GDA: variants seen among roughly 807,000 people sequenced by gnomAD.
GDA encodes cytoplasmic PSD-95 interactor.
A neutral mutation model predicts 59.6 loss-of-function variants in GDA; 18 were observed. The observed-to-expected ratio is 0.30, with a 90% confidence interval of 0.21 to 0.45. GDA has a LOEUF of 0.45. GDA is among the 20% of genes least tolerant of loss of function. The pLI, the probability that GDA is intolerant of heterozygous loss-of-function variation, is 1.00. For synonymous variants in GDA, 201 were observed against 201.1 expected (o/e 1.00, Z 0.00); for missense variants, 427 against 552.3 (o/e 0.77, Z 2.27).
chr9:72,225,278 C>A (rs1430105827), intron 7 of GDA, among the ~76,000 whole-genome samples: 3 of 152,150 alleles, frequency 2.0e-5, no homozygotes, highest in African/African-American at 7.2e-5. Flanking sequence ...CAGACCCTAT[C>A]TCAAAACAAA....
chr9:72,257,703 CTT>C (rs1564236567), downstream of GDA: 1 of 153,204 alleles, frequency 6.5e-6, no homozygotes, highest in Non-Finnish European at 1.5e-5. Flanking sequence ...GGGTGGATCA[CTT>C]GAGCTCATGA....
chr9:72,190,455 T>G (rs1832395207), intron 1 of GDA, among the ~76,000 whole-genome samples: 1 of 152,206 alleles, frequency 6.6e-6, no homozygotes, highest in Admixed American at 6.5e-5. Flanking sequence ...CTTACTTTAG[T>G]GAAGAATACA....
intron 8 of GDA, among the ~76,000 whole-genome samples, chr9:72,226,476 A>G (rs1327183329): frequency 6.6e-6 from 1 of 152,190 alleles, no homozygotes; most frequent in African/African-American, 2.4e-5. Context: ...TTTTATTTTT[A>G]AATACTCTGA....
intron 5 of GDA, among the ~76,000 whole-genome samples, chr9:72,216,679 A>ATT (rs201725609): frequency 4.1e-5 from 6 of 145,802 alleles, no homozygotes; most frequent in Admixed American, 6.9e-5. Flanking sequence ...AGGAAAAACT[A>ATT]TTTTTTTTTT....
At chr9:72,127,396 T>A (rs1825882406) in intron 1 of GDA, among the ~76,000 whole-genome samples, 1 of 152,076 alleles carries the variant, frequency 6.6e-6, no homozygotes. Flanking sequence ...CCCAGCACTT[T>A]GGAAGGCGGA....
At chr9:72,148,394 TAAAG>T (rs368483240), upstream of GDA, among the ~76,000 whole-genome samples, 676 of 150,616 alleles carry the variant, frequency 4.5e-3, 6 homozygotes, top group African/African-American at 0.015. Flanking sequence ...AAACACAAAA[TAAAG>T]AAGAATGGAC....
At chr9:72,163,843 G>C (rs1828958838) in intron 1 of GDA, among the ~76,000 whole-genome samples, 1 of 152,108 alleles carries the variant, frequency 6.6e-6, no homozygotes, top group Admixed American at 6.5e-5. Context: ...AGATAAAACT[G>C]TTTCAGGTGC....
intron 1 of GDA, among the ~76,000 whole-genome samples, chr9:72,136,144 A>G (rs1452045856): frequency 6.6e-6 from 1 of 152,210 alleles, no homozygotes; most frequent in Non-Finnish European, 1.5e-5. Context: ...TACTATAAAT[A>G]GAAGAAAACC....
intron 5 of GDA, among the ~76,000 whole-genome samples, chr9:72,216,574 A>G (rs1354139466): frequency 6.6e-6 from 1 of 152,244 alleles, no homozygotes; most frequent in Admixed American, 6.5e-5. Context: ...ACCAAACACA[A>G]AAGGCCACAC....
At chr9:72,146,375 G>C (rs1014619547), upstream of GDA, among the ~76,000 whole-genome samples, 1 of 152,052 alleles carries the variant, frequency 6.6e-6, no homozygotes, top group Admixed American at 6.6e-5. Flanking sequence ...GCTGTATTTT[G>C]AGGGTGAATA....
intron 1 of GDA, among the ~76,000 whole-genome samples, chr9:72,178,046 C>T (rs1339240093): frequency 1.3e-5 from 2 of 152,172 alleles, no homozygotes; most frequent in Non-Finnish European, 2.9e-5. Context: ...TAAAATGCCA[C>T]ATGGGTTTAC....
chr9:72,186,154 A>G (rs908842984), intron 1 of GDA, among the ~76,000 whole-genome samples: 7 of 152,206 alleles, frequency 4.6e-5, no homozygotes, highest in African/African-American at 1.4e-4. Flanking sequence ...ATGAAAAAGC[A>G]GTAGCCCCAT....
intron 1 of GDA, among the ~76,000 whole-genome samples, chr9:72,125,696 A>G (rs924015088): frequency 4.6e-5 from 7 of 152,192 alleles, no homozygotes; most frequent in Non-Finnish European, 7.3e-5. Context: ...CAGCAGGTCA[A>G]TGGCAGAATT....
chr9:72,213,802 CAAAAAAAA>C (rs200145454), intron 4 of GDA, 76 bp from the exon 5 acceptor site: 417 of 614,964 alleles, frequency 6.8e-4, no homozygotes, highest in East Asian at 1.6e-3. Context: ...GACTCCGTCT[CAAAAAAAA>C]AAAAAAAAAG....
At chr9:72,160,065 C>T (rs1308349426) in intron 1 of GDA, among the ~76,000 whole-genome samples, 2 of 151,954 alleles carry the variant, frequency 1.3e-5, no homozygotes, top group Non-Finnish European at 2.9e-5. Context: ...TTTCGGAGGC[C>T]GAGGCGGGCG....
At chr9:72,185,181 C>T (rs552136468) in intron 1 of GDA, among the ~76,000 whole-genome samples, 2 of 152,292 alleles carry the variant, frequency 1.3e-5, no homozygotes, top group South Asian at 4.1e-4. Flanking sequence ...CCCGCAAAGC[C>T]TAAAATATTT....
At chr9:72,180,859 G>A (rs762235218) in intron 1 of GDA, among the ~76,000 whole-genome samples, 8 of 152,168 alleles carry the variant, frequency 5.3e-5, no homozygotes, top group Middle Eastern at 3.2e-3. Flanking sequence ...GCATATTACC[G>A]ACTACTTATC....
chr9:72,137,098 A>T (rs2130637143), intron 1 of GDA, among the ~76,000 whole-genome samples: 1 of 152,246 alleles, frequency 6.6e-6, no homozygotes, highest in East Asian at 1.9e-4. Context: ...AATTAATAGC[A>T]GACCATCTTC....
At chr9:72,194,995 C>T (rs1217886713) in intron 1 of GDA, among the ~76,000 whole-genome samples, 1 of 152,110 alleles carries the variant, frequency 6.6e-6, no homozygotes, top group African/African-American at 2.4e-5. Context: ...ATCACCACGC[C>T]CTGGGGGGTA....
Sources: allele counts gnomAD v4.1 joint callset (sites outside exome capture counted in the v4.1 genomes callset), GRCh38; gene constraint gnomAD v4.1.1; transcripts MANE v1.5; gene names NCBI Gene and HGNC (gene_info 2026-07-23, HGNC 2026-07-21).